Variants in PUDP observed in about 807,000 individuals in gnomAD.
PUDP encodes the protein pseudouridine-5'-phosphatase.
In PUDP, 8 loss-of-function variants were observed where a neutral mutation model predicts 9.4. The ratio of observed to expected loss-of-function variants is 0.85; its 90% CI spans 0.50 to 1.53. The LOEUF (loss-of-function observed/expected upper bound fraction) is 1.53, where lower values mean the gene tolerates loss of function less well. Ranked by LOEUF, PUDP falls within the 40% of genes most tolerant of loss-of-function variation. PUDP has a pLI of 0.00. For missense variants in PUDP, 188 were observed against 189.7 expected (o/e 0.99, Z 0.05); for synonymous variants, 99 against 80.7 (o/e 1.23, Z -1.22).
intron 3 of PUDP, among the ~76,000 whole-genome samples, chrX:6,881,244 C>T (rs1368341630): frequency 2.7e-5 from 3 of 112,026 alleles, no homozygotes; most frequent in Non-Finnish European, 5.6e-5. Context: ...TTATAATGAG[C>T]AGTTTTCAGG....
intron 3 of PUDP, among the ~76,000 whole-genome samples, chrX:7,074,226 G>A (rs980684292): frequency 2.7e-5 from 3 of 112,475 alleles, no homozygotes; most frequent in African/African-American, 9.7e-5. Flanking sequence ...ACCCGGCTGC[G>A]CATGGTGGTG....
chrX:7,097,210 GC>G, intron 2 of PUDP, among the ~76,000 whole-genome samples: 1 of 111,653 alleles, frequency 9.0e-6, no homozygotes, highest in East Asian at 2.8e-4. Context: ...ATTCTGACAC[GC>G]CTCCTTTTAA....
intron 1 of PUDP, among the ~76,000 whole-genome samples, chrX:7,036,918 A>G (rs1488695172): frequency 8.9e-6 from 1 of 112,210 alleles, no homozygotes; most frequent in Admixed American, 9.5e-5. Context: ...CTCATTTCAG[A>G]GAAACAATAT....
At chrX:6,723,785 C>T (rs5989556), upstream of PUDP, among the ~76,000 whole-genome samples, 24,279 of 110,917 alleles carry the variant, frequency 0.22, 2,560 homozygotes, top group Non-Finnish European at 0.33. Flanking sequence ...GTGGGTATTT[C>T]TAGGGAAGAT....
At chrX:6,795,930 T>C (rs1374418181) in intron 3 of PUDP, among the ~76,000 whole-genome samples, 2 of 112,101 alleles carry the variant, frequency 1.8e-5, no homozygotes, top group Non-Finnish European at 3.8e-5. Flanking sequence ...CATGGGTGAC[T>C]CTTCTTCCTT....
At chrX:7,042,585 C>T (rs1929936451) in intron 1 of PUDP, among the ~76,000 whole-genome samples, 1 of 111,145 alleles carries the variant, frequency 9.0e-6, no homozygotes, top group South Asian at 3.9e-4. Flanking sequence ...TTGTCATTTC[C>T]TCCTTTTGTT....
At chrX:6,944,768 G>C (rs1037998687) in intron 3 of PUDP, among the ~76,000 whole-genome samples, 1 of 111,224 alleles carries the variant, frequency 9.0e-6, no homozygotes, top group African/African-American at 3.3e-5. Context: ...CCTCAGACAA[G>C]GGGCAACTGA....
intron 3 of PUDP, among the ~76,000 whole-genome samples, chrX:6,902,616 C>A (rs1392053203): frequency 9.0e-6 from 1 of 111,696 alleles, no homozygotes; most frequent in Non-Finnish European, 1.9e-5. Flanking sequence ...AGGCACTGGG[C>A]GTAAATGGCA....
At chrX:7,021,552 T>A (rs1049195171) in intron 1 of PUDP, among the ~76,000 whole-genome samples, 1 of 112,314 alleles carries the variant, frequency 8.9e-6, no homozygotes, top group African/African-American at 3.2e-5. Flanking sequence ...TGGCAAAAGT[T>A]TGTTGTTGCA....
At position 6,793,819 on chromosome X, in the gene PUDP, G is replaced by A. The variant is rs763035391; in HGVS notation, c.*248-87353C>T. Among the ~76,000 whole-genome samples, 456 of 109,157 alleles carry A rather than the reference G, an allele frequency of 4.2e-3. 9 individuals are homozygous for A. Among genetic ancestry groups the A allele is most frequent in the Non-Finnish European group, 6.8e-3 (349 of 51,072 alleles). 94.8% of individuals were successfully genotyped at this position (109,157 alleles called of 115,157 possible). On this transcript the variant is annotated intron_variant and NMD_transcript_variant, in intron 3 of 3. Transcript: ENST00000655425. ...GTTGATAGGAAAGGATAGGCTGGGGGCAGTCTTAAACCCTGGAAACCTCAG... is the reference window on the plus strand; with the variant it reads ...GTTGATAGGAAAGGATAGGCTGGGGACAGTCTTAAACCCTGGAAACCTCAG...
intron 3 of PUDP, among the ~76,000 whole-genome samples, chrX:6,933,103 C>G (rs1928227775): frequency 9.1e-6 from 1 of 110,363 alleles, no homozygotes; most frequent in African/African-American, 3.3e-5. Context: ...TGTCTGGCAG[C>G]TTTGAAGAGA....
At position 7,123,787 on chromosome X, in the gene PUDP, C is replaced by A. The variant is rs768055161; in HGVS notation, c.62-17949G>T. Among the ~76,000 whole-genome samples the A allele has an allele frequency of 1.5e-4, 17 of 111,503 alleles. No homozygotes were observed. In the South Asian group the frequency reaches 2.3e-3, roughly 15 times the overall value. ...GGACAAACCATTTCACTAAAAAAAA[C>A]CAAACAATTTTAATGGAAACATTTT... On this transcript the variant is annotated intron_variant, in intron 1 of 3. Coordinates refer to ENST00000381077, the MANE Select transcript of PUDP (RefSeq NM_012080.5).
chrX:6,831,505 CAGTT>C (rs781282775), intron 3 of PUDP, among the ~76,000 whole-genome samples: 2 of 111,873 alleles, frequency 1.8e-5, no homozygotes, highest in Non-Finnish European at 3.8e-5. Flanking sequence ...AAGATGGACT[CAGTT>C]AGGTCAGATC....
At chrX:6,716,759 A>C (rs1924605628) in intron 1 of PUDP, among the ~76,000 whole-genome samples, 1 of 110,633 alleles carries the variant, frequency 9.0e-6, no homozygotes, top group Non-Finnish European at 1.9e-5. Context: ...CAGCCTTCTG[A>C]ATAACTGAGA....
At chrX:6,844,798 G>A (rs959664705) in intron 3 of PUDP, among the ~76,000 whole-genome samples, 2 of 112,185 alleles carry the variant, frequency 1.8e-5, no homozygotes, top group African/African-American at 6.5e-5. Context: ...GCACAAGTTC[G>A]AAAGGCTAAG....
chrX:6,813,838 C>T (rs1269672316), intron 3 of PUDP, among the ~76,000 whole-genome samples: 1 of 111,409 alleles, frequency 9.0e-6, no homozygotes, highest in Non-Finnish European at 1.9e-5. Context: ...AGGGATTGGT[C>T]AAGTCATATT....
At chrX:7,130,623 G>C (rs192064715) in intron 1 of PUDP, among the ~76,000 whole-genome samples, 1 of 110,977 alleles carries the variant, frequency 9.0e-6, no homozygotes, top group Non-Finnish European at 1.9e-5. Context: ...AGACCAGCTT[G>C]GGCAACATGG....
chrX:6,985,663 G>A (rs1053990769), intron 1 of PUDP, among the ~76,000 whole-genome samples: 1 of 111,297 alleles, frequency 9.0e-6, no homozygotes, highest in Non-Finnish European at 1.9e-5. Context: ...GGTCAGTGCT[G>A]AAACAGTTGT....
chrX:7,036,853 CT>C (rs1158636573), intron 1 of PUDP, among the ~76,000 whole-genome samples: 2 of 112,089 alleles, frequency 1.8e-5, no homozygotes, highest in Non-Finnish European at 3.8e-5. Context: ...TCATTCCCGT[CT>C]AACCTAATGT....
Sources: gnomAD v4.1 joint callset for allele counts (sites outside exome capture counted in the v4.1 genomes callset) on GRCh38, gnomAD v4.1.1 for gene constraint, MANE v1.5 for transcripts, NCBI Gene and HGNC (gene_info 2026-07-23, HGNC 2026-07-21) for gene names.